The following SLC6A11 variants were observed in gnomAD, a reference collection of about 807,000 sequenced individuals.
SLC6A11 encodes solute carrier family 6 member 11.
A neutral mutation model predicts 74.8 loss-of-function variants in SLC6A11; 25 were observed. The observed-to-expected ratio is 0.33, with a 90% CI of 0.24 to 0.47. The LOEUF (loss-of-function observed/expected upper bound fraction) is 0.47, where lower values mean the gene tolerates loss of function less well. Ranked by LOEUF, SLC6A11 falls within the 20% of genes least tolerant of loss-of-function variation. The pLI, the probability that SLC6A11 is intolerant of heterozygous loss-of-function variation, is 1.00. For missense variants in SLC6A11, 574 were observed against 837.0 expected (o/e 0.69, Z 3.88); for synonymous variants, 330 against 330.2 (o/e 1.00, Z 0.01).
chr3:10,847,166 G>T (rs1694514933), intron 5 of SLC6A11, among the ~76,000 whole-genome samples: 1 of 152,148 alleles, frequency 6.6e-6, no homozygotes, highest in African/African-American at 2.4e-5. Context: ...ACAATAATTT[G>T]CTCAAGGACC....
At chr3:10,867,794 G>T (rs569233543) in intron 5 of SLC6A11, among the ~76,000 whole-genome samples, 1 of 152,260 alleles carries the variant, frequency 6.6e-6, no homozygotes, top group African/African-American at 2.4e-5. Flanking sequence ...CTGAGGTGCT[G>T]GTTTATCTTT....
At chr3:10,878,489 C>T (rs1694937750) in intron 6 of SLC6A11, among the ~76,000 whole-genome samples, 1 of 150,246 alleles carries the variant, frequency 6.7e-6, no homozygotes, top group South Asian at 2.1e-4. Context: ...AATGCAACCT[C>T]CGCTTCCCAG....
At chr3:10,899,967 G>T (rs984683475) in intron 6 of SLC6A11, among the ~76,000 whole-genome samples, 1 of 152,180 alleles carries the variant, frequency 6.6e-6, no homozygotes, top group African/African-American at 2.4e-5. Flanking sequence ...GTTTCTGCTC[G>T]CTCACTATGT....
intron 5 of SLC6A11, among the ~76,000 whole-genome samples, chr3:10,855,896 T>C (rs74327151): frequency 0.096 from 14,547 of 152,290 alleles, 1,005 homozygotes; most frequent in Admixed American, 0.23. Flanking sequence ...TCTTCGGTTT[T>C]CCTTCCTCTT....
At chr3:10,822,510 A>G (rs1364081337) in intron 3 of SLC6A11, among the ~76,000 whole-genome samples, 1 of 152,120 alleles carries the variant, frequency 6.6e-6, no homozygotes, top group African/African-American at 2.4e-5. Flanking sequence ...TGAACCTTAG[A>G]TTCTTCTTCC....
Position 10,933,152 on chromosome 3 carries a change from G to T in SLC6A11, c.1373G>T (p.Gly458Val). Reference sequence around the variant, plus strand: ...GTGTGTCTGTTCCCCGACCTGCAGGGTGGCATGTACATCTTCCAGCTCTTT... The same window carrying T: ...GTGTGTCTGTTCCCCGACCTGCAGGTTGGCATGTACATCTTCCAGCTCTTT... Reference protein sequence around the residue: ...YFLGLVMLTEGGMYIFQLFDS... With the variant: ...YFLGLVMLTEVGMYIFQLFDS... The change falls in exon 11 of 14, where the codon GGT (glycine) becomes GTT (valine). Residue 458 changes from glycine to valine, a missense_variant and splice_region_variant. Transcript: ENST00000254488. The T allele has an allele frequency of 6.2e-7, 1 of 1,612,396 alleles. No individual in the cohort carries two copies. The highest frequency in any genetic ancestry group is 8.5e-7 in the Non-Finnish European group (1 of 1,178,470).
chr3:10,931,244 C>T (rs1180053045), intron 10 of SLC6A11, among the ~76,000 whole-genome samples: 1 of 152,224 alleles, frequency 6.6e-6, no homozygotes, highest in Admixed American at 6.5e-5. Context: ...GGAGATAACA[C>T]TAGTGCCTGC....
intron 5 of SLC6A11, among the ~76,000 whole-genome samples, chr3:10,865,243 A>T (rs1380952183): frequency 6.6e-6 from 1 of 152,232 alleles, no homozygotes; most frequent in Non-Finnish European, 1.5e-5. Context: ...CTCATTTCAC[A>T]CAGAAGATGG....
chr3:10,914,573 G>C (rs1304028981), intron 7 of SLC6A11, among the ~76,000 whole-genome samples: 1 of 152,164 alleles, frequency 6.6e-6, no homozygotes, highest in Non-Finnish European at 1.5e-5. Flanking sequence ...GGGTTCTTTG[G>C]GTGAGAGGTA....
chr3:10,937,595 T>C (rs1695773628), intron 13 of SLC6A11, among the ~76,000 whole-genome samples: 1 of 152,158 alleles, frequency 6.6e-6, no homozygotes. Flanking sequence ...AGCTGAGGGA[T>C]AGGGGCCTGA....
At chr3:10,837,865 T>C (rs576929610) in intron 4 of SLC6A11, among the ~76,000 whole-genome samples, 10 of 152,346 alleles carry the variant, frequency 6.6e-5, no homozygotes, top group African/African-American at 2.4e-4. Context: ...GGGACTGTAC[T>C]TCTTTCTTCC....
At chr3:10,887,327 G>A (rs1695056515) in intron 6 of SLC6A11, among the ~76,000 whole-genome samples, 1 of 151,996 alleles carries the variant, frequency 6.6e-6, no homozygotes, top group South Asian at 2.1e-4. Context: ...TGGATGGATG[G>A]ATGGATGGAT....
intron 6 of SLC6A11, among the ~76,000 whole-genome samples, chr3:10,897,485 A>G (rs1695184873): frequency 6.6e-6 from 1 of 152,200 alleles, no homozygotes; most frequent in Non-Finnish European, 1.5e-5. Flanking sequence ...ATCGGCCAAA[A>G]CAAAGGGGCT....
intron 10 of SLC6A11, among the ~76,000 whole-genome samples, 199 bp from the exon 11 acceptor site, chr3:10,932,952 A>T (rs1575709082): frequency 6.6e-6 from 1 of 152,160 alleles, no homozygotes; most frequent in East Asian, 1.9e-4. Flanking sequence ...CGGTCCCAGC[A>T]GCCCCCAAAG....
chr3:10,916,317 A>G (rs1695453721), intron 7 of SLC6A11, among the ~76,000 whole-genome samples: 1 of 152,198 alleles, frequency 6.6e-6, no homozygotes, highest in African/African-American at 2.4e-5. Flanking sequence ...ATTTGAAGGG[A>G]CCTGTATCAG....
chr3:10,833,408 G>T (rs139798725), intron 4 of SLC6A11, among the ~76,000 whole-genome samples: 3 of 152,304 alleles, frequency 2.0e-5, no homozygotes, highest in African/African-American at 7.2e-5. Flanking sequence ...GAGAACCCAA[G>T]GTCTATTTGC....
At chr3:10,899,702 GC>G (rs1695214610) in intron 6 of SLC6A11, among the ~76,000 whole-genome samples, 2 of 152,324 alleles carry the variant, frequency 1.3e-5, no homozygotes, top group Admixed American at 1.3e-4. Flanking sequence ...CAGCATAAGT[GC>G]CAGAAATCCA....
chr3:10,844,138 T>C lies in SLC6A11; in HGVS notation c.624-76T>C, dbSNP rs906385583. ...GTGAATGAGCACATGGGCCCATCCC[T>C]GCTCCTCTGCAGTACTAGCTTTGCT... On this transcript the variant is annotated intron_variant, in intron 4 of 13. Transcript: ENST00000254488. 25 of 1,573,004 alleles carry C rather than the reference T, an allele frequency of 1.6e-5. No individual in the cohort carries two copies. The Admixed American group carries it at 3.7e-4, about 23-fold the overall frequency.
chr3:10,912,943 G>T (rs745645933), intron 7 of SLC6A11, among the ~76,000 whole-genome samples: 1 of 152,100 alleles, frequency 6.6e-6, no homozygotes, highest in Non-Finnish European at 1.5e-5. Flanking sequence ...GATGGACAGC[G>T]CATCTCTTCC....
Sources: gnomAD v4.1 joint callset for allele counts (sites outside exome capture counted in the v4.1 genomes callset) on GRCh38, gnomAD v4.1.1 for gene constraint, MANE v1.5 for transcripts, NCBI Gene and HGNC (gene_info 2026-07-23, HGNC 2026-07-21) for gene names.